The following GTF2IRD1 variants were observed in gnomAD, a reference collection of about 807,000 sequenced individuals.
The protein encoded by GTF2IRD1 is general transcription factor II-I repeat domain-containing protein 1.
Under a neutral mutation model 113.2 loss-of-function variants are expected in GTF2IRD1, and 26 were observed. The ratio of observed to expected loss-of-function variants is 0.23; its 90% CI spans 0.17 to 0.32. The LOEUF (loss-of-function observed/expected upper bound fraction) is 0.32. Ranked by LOEUF, GTF2IRD1 falls within the 10% of genes least tolerant of loss-of-function variation. The pLI is 1.00. For missense variants in GTF2IRD1, 864 were observed against 1,280.8 expected, an observed-to-expected ratio of 0.67 and a Z score of 4.97; for synonymous variants, 484 against 529.1, an observed-to-expected ratio of 0.91 and a Z score of 1.17.
At position 74,602,593 on chromosome 7, in the gene GTF2IRD1, A is replaced by T. The variant is rs1802820902; in HGVS notation, c.*160A>T. On this transcript the variant is annotated 3_prime_UTR_variant, in exon 27 of 27. Coordinates refer to ENST00000424337, the MANE Select transcript of GTF2IRD1 (RefSeq NM_005685.4). ...GCCTTTTTAAATAAGTAAAAAAAGA[A>T]AAAAAAAAAAAAGAGTGTTGCCTTT... is the stretch of plus-strand genomic sequence containing the variant. 3 of 101,552 alleles carry T rather than the reference A, an allele frequency of 3.0e-5. No individual in the cohort carries two copies. Among genetic ancestry groups the T allele is most frequent in the East Asian group, 2.5e-4 (1 of 4,064 alleles). 6.3% of individuals were successfully genotyped at this position (101,552 alleles called of 1,614,324 possible).
chr7:74,580,229 A>T (rs1292390511), intron 22 of GTF2IRD1, among the ~76,000 whole-genome samples: 3 of 152,132 alleles, frequency 2.0e-5, no homozygotes, highest in Admixed American at 6.6e-5. Flanking sequence ...TGCAGCCGTG[A>T]ACTCTGCCCG....
At chr7:74,517,171 C>A (rs2107744) in intron 4 of GTF2IRD1, among the ~76,000 whole-genome samples, 209 of 151,306 alleles carry the variant, frequency 1.4e-3, no homozygotes, top group Non-Finnish European at 2.4e-3. Flanking sequence ...TTACAGGCAC[C>A]TGCCACCACA....
intron 1 of GTF2IRD1, among the ~76,000 whole-genome samples, chr7:74,489,581 G>C (rs1795218578): frequency 6.6e-6 from 1 of 152,160 alleles, no homozygotes; most frequent in Admixed American, 6.6e-5. Context: ...GACCTCAGGT[G>C]ATCTGCCCAC....
chr7:74,455,886 A>G (rs76459465), intron 1 of GTF2IRD1, among the ~76,000 whole-genome samples: 3,351 of 152,232 alleles, frequency 0.022, 122 homozygotes, highest in African/African-American at 0.076. Flanking sequence ...CTCCGCAGCC[A>G]CTCAGAGCCT....
chr7:74,586,069 T>C, intron 22 of GTF2IRD1, among the ~76,000 whole-genome samples: 1 of 152,096 alleles, frequency 6.6e-6, no homozygotes, highest in East Asian at 1.9e-4. Flanking sequence ...GGCTGCAGTG[T>C]CTAGGAAAGC....
intron 22 of GTF2IRD1, among the ~76,000 whole-genome samples, chr7:74,587,467 CAGG>C (rs1168770707): frequency 2.6e-5 from 4 of 151,436 alleles, no homozygotes; most frequent in South Asian, 4.2e-4. Context: ...GAAAAAAAAA[CAGG>C]AGTCATTTTG....
In GTF2IRD1 at chr7:74,576,617, C is replaced by CTTTT. The variant is rs1165378230; in HGVS notation, c.2321-13205_2321-13202dup. 2.1e-3 allele frequency among the ~76,000 whole-genome samples: 104 copies of CTTTT among 49,376 alleles called. 17 individuals are homozygous for CTTTT. Among genetic ancestry groups the CTTTT allele is most frequent in the African/African-American group, 3.1e-3 (36 of 11,742 alleles). The allele number at this position is 49,376 out of a possible 152,430, so 32.4% of individuals were successfully genotyped here. Reference sequence around the variant, plus strand: ...TCTAGGGGAAAATCTATTTCCTTGTCTTTTTTTTTTTTTTTTTTTTTTTTT... The same window carrying CTTTT: ...TCTAGGGGAAAATCTATTTCCTTGTCTTTTTTTTTTTTTTTTTTTTTTTTTTTTT... On this transcript the variant is annotated intron_variant, in intron 22 of 26. Transcript: ENST00000424337.
At chr7:74,464,403 G>A (rs781860496) in intron 1 of GTF2IRD1, among the ~76,000 whole-genome samples, 10 of 150,858 alleles carry the variant, frequency 6.6e-5, no homozygotes, top group Non-Finnish European at 1.2e-4. Context: ...TTGCGTGGGT[G>A]TCTTGAGAGA....
At chr7:74,480,864 A>G (rs1034904090) in intron 1 of GTF2IRD1, among the ~76,000 whole-genome samples, 1 of 152,152 alleles carries the variant, frequency 6.6e-6, no homozygotes, top group Non-Finnish European at 1.5e-5. Context: ...GAGAGGAGAC[A>G]GCCCCTTTTC....
chr7:74,505,031 T>A (rs956813963), intron 1 of GTF2IRD1, among the ~76,000 whole-genome samples: 1 of 151,896 alleles, frequency 6.6e-6, no homozygotes, highest in African/African-American at 2.4e-5. Flanking sequence ...TTTTATTTTT[T>A]ATTTAAAAGA....
At chr7:74,543,650 A>G (rs145441797) in intron 14 of GTF2IRD1, among the ~76,000 whole-genome samples, 306 of 152,272 alleles carry the variant, frequency 2.0e-3, no homozygotes, top group African/African-American at 6.9e-3. Context: ...CTGTAATCCT[A>G]GCACTTTGGG....
intron 1 of GTF2IRD1, among the ~76,000 whole-genome samples, chr7:74,490,079 G>A (rs994449756): frequency 2.6e-5 from 4 of 151,970 alleles, no homozygotes; most frequent in Admixed American, 1.3e-4. Context: ...CTATCCTCCT[G>A]CCTCAGCACC....
chr7:74,500,983 T>G (rs1554339308), intron 1 of GTF2IRD1, among the ~76,000 whole-genome samples: 1 of 152,182 alleles, frequency 6.6e-6, no homozygotes, highest in East Asian at 1.9e-4. Flanking sequence ...ATTCTCTTTT[T>G]AGAAAATTAT....
intron 1 of GTF2IRD1, among the ~76,000 whole-genome samples, chr7:74,505,740 C>A (rs1234253845): frequency 6.6e-6 from 1 of 152,158 alleles, no homozygotes; most frequent in African/African-American, 2.4e-5. Flanking sequence ...GAGGGGGACA[C>A]CTTCCAGCCC....
At chr7:74,570,007 G>T (rs1277132652) in intron 22 of GTF2IRD1, among the ~76,000 whole-genome samples, 20 of 152,148 alleles carry the variant, frequency 1.3e-4, no homozygotes, top group African/African-American at 4.8e-4. Flanking sequence ...GACGAGGTGG[G>T]GGAACCTTTG....
At chr7:74,455,296 C>A (rs1334265784) in intron 1 of GTF2IRD1, among the ~76,000 whole-genome samples, 2 of 152,202 alleles carry the variant, frequency 1.3e-5, no homozygotes, top group Admixed American at 1.3e-4. Context: ...GGCAGGCCCC[C>A]GCAGTTTTTG....
chr7:74,466,234 A>G (rs961081857), intron 1 of GTF2IRD1, among the ~76,000 whole-genome samples: 14 of 152,046 alleles, frequency 9.2e-5, no homozygotes, highest in African/African-American at 2.7e-4. Context: ...GTGGCTGCTT[A>G]GGGGACGGGA....
chr7:74,457,053 T>C (rs1793034337), intron 1 of GTF2IRD1, among the ~76,000 whole-genome samples: 1 of 151,882 alleles, frequency 6.6e-6, no homozygotes, highest in Admixed American at 6.6e-5. Context: ...TGCAGTAGTG[T>C]GATCACAGCT....
In GTF2IRD1 at chr7:74,564,227, A is replaced by G. The variant is rs747889327; in HGVS notation, c.2320+4572A>G. Among the ~76,000 whole-genome samples, 56 of 152,122 alleles carry G rather than the reference A, an allele frequency of 3.7e-4. 1 individual carries two copies. The highest frequency in any genetic ancestry group is 6.0e-4 in the Non-Finnish European group (41 of 68,016). On this transcript the variant is annotated intron_variant, in intron 22 of 26. Transcript: ENST00000424337. ...TTTTGAGTAGAGACGGGGTTTCACC[A>G]TGTTGGCCAGGCTGATCTCAAACTT...
Sources: allele counts gnomAD v4.1 joint callset (sites outside exome capture counted in the v4.1 genomes callset), GRCh38; gene constraint gnomAD v4.1.1; transcripts MANE v1.5; gene names NCBI Gene and HGNC (gene_info 2026-07-23, HGNC 2026-07-21).